The following SIPA1L3 variants were observed in gnomAD, a reference collection of about 807,000 sequenced individuals.
The protein encoded by SIPA1L3 is signal induced proliferation associated 1 like 3, also known as signal-induced proliferation-associated 1-like protein 3.
In SIPA1L3, 59 loss-of-function variants were observed where a neutral mutation model predicts 150.1. That is an observed-to-expected ratio of 0.39 (90% CI 0.32 to 0.49). The LOEUF (loss-of-function observed/expected upper bound fraction) is 0.49. Among genes scored for constraint, SIPA1L3 ranks in the 20% least tolerant of loss-of-function variants. SIPA1L3 has a pLI of 0.86. For synonymous variants in SIPA1L3, 1,070 were observed against 1,077.6 expected (o/e 0.99, Z 0.14); for missense variants, 2,211 against 2,489.5 (o/e 0.89, Z 2.38).
chr19:38,020,102 A>C (rs78570716), intron 1 of SIPA1L3, among the ~76,000 whole-genome samples: 4,608 of 81,694 alleles, frequency 0.056, 228 homozygotes, highest in African/African-American at 0.14. Context: ...CTCTCTCTCT[A>C]TATATAAATA....
rs117802155 is a variant in SIPA1L3, at chr19:37,920,260, T to C, written c.-379+12902T>C. ...TTTTTGTAGAGATGGGATCTCTCTA[T>C]GTTGCCCAGGCCGGTCTTGAACTCT... On this transcript the variant is annotated intron_variant, in intron 1 of 21. Transcript: ENST00000222345. 7.0e-3 allele frequency among the ~76,000 whole-genome samples: 1,060 copies of C among 152,178 alleles called. 32 individuals are homozygous for C. Among genetic ancestry groups the C allele is most frequent in the East Asian group, 0.068 (351 of 5,160 alleles).
Position 38,099,924 on chromosome 19 carries a change from C to T in SIPA1L3, c.1666-38C>T, listed in dbSNP as rs574615935. 22 of 1,524,812 alleles carry T rather than the reference C, an allele frequency of 1.4e-5. No homozygotes were observed. In the South Asian group the frequency reaches 1.7e-4, roughly 12 times the overall value. The allele number at this position is 1,524,812 out of a possible 1,614,324, so 94.5% of individuals were successfully genotyped here. On this transcript the variant is annotated intron_variant, in intron 4 of 21. Coordinates refer to ENST00000222345, the MANE Select transcript of SIPA1L3 (RefSeq NM_015073.3). ...TATGCTCTTATCCCTTTTTAGGTCT[C>T]GAGAGCCCCCTAACCTTCCCTTCTC...
Position 38,141,399 on chromosome 19 carries a change from T to G in SIPA1L3, c.3359T>G (p.Val1120Gly), listed in dbSNP as rs769398221. ...CGGCCCCTGAAGCAGACCCCCATAG[T>G]CCCCTTCCGGGAGTCCCAGCCACTG... ...LSRPLKQTPIVPFRESQPLHS... is the reference protein window; with the variant it reads ...LSRPLKQTPIGPFRESQPLHS... Residue 1120 changes from valine to glycine, a missense_variant, in exon 11 of 22, where the codon GTC becomes GGC. Physicochemically the swap from Val to Gly is moderately radical, Grantham distance 109. Coordinates refer to ENST00000222345, the MANE Select transcript of SIPA1L3 (RefSeq NM_015073.3). 3 of 1,612,096 alleles carry G rather than the reference T, an allele frequency of 1.9e-6. No homozygotes were observed. The highest frequency in any genetic ancestry group is 1.3e-5 in the African/African-American group (1 of 74,806).
rs546712449 is a variant in SIPA1L3, at chr19:38,060,816, C to T, written c.-310-20440C>T. On this transcript the variant is annotated intron_variant, in intron 2 of 21. Transcript: ENST00000222345. ...AAGTGATTCTCCTGCCTCAGCCTCCCGAGTAGCTGGGATTACAGGGGTGTG... is the reference window on the plus strand; with the variant it reads ...AAGTGATTCTCCTGCCTCAGCCTCCTGAGTAGCTGGGATTACAGGGGTGTG... Among the ~76,000 whole-genome samples the T allele has an allele frequency of 4.6e-5, 7 of 152,214 alleles. No homozygotes were observed. The East Asian group carries it at 9.6e-4, about 21-fold the overall frequency.
intron 10 of SIPA1L3, among the ~76,000 whole-genome samples, chr19:38,134,563 C>T (rs576346348): frequency 5.9e-5 from 9 of 151,346 alleles, no homozygotes; most frequent in Admixed American, 5.3e-4. Flanking sequence ...AAAAATTAGC[C>T]GGGCATGGTA....
At chr19:38,097,884 C>T (rs1010807879) in intron 4 of SIPA1L3, among the ~76,000 whole-genome samples, 1 of 152,126 alleles carries the variant, frequency 6.6e-6, no homozygotes, top group Non-Finnish European at 1.5e-5. Context: ...TTGGATATAC[C>T]TCACCATACA....
chr19:38,159,932 C>T (rs1288858499), intron 13 of SIPA1L3, among the ~76,000 whole-genome samples: 4 of 152,234 alleles, frequency 2.6e-5, no homozygotes, highest in Non-Finnish European at 5.9e-5. Flanking sequence ...TCAGTTAGTG[C>T]ATTTGTAATT....
At position 38,124,294 on chromosome 19, in the gene SIPA1L3, C is replaced by T. The variant is rs553873694; in HGVS notation, c.2868+4412C>T. On this transcript the variant is annotated intron_variant, in intron 9 of 21. Transcript: ENST00000222345. Reference sequence around the variant, plus strand: ...CTCCTCACTTCTCAGACGGGGCGGCCGGGCAGAGACGCTCCTCACCTCCCA... The same window carrying T: ...CTCCTCACTTCTCAGACGGGGCGGCTGGGCAGAGACGCTCCTCACCTCCCA... 1.1e-3 allele frequency among the ~76,000 whole-genome samples: 158 copies of T among 148,694 alleles called. 5 individuals carry two copies. In the South Asian group the frequency reaches 0.029, roughly 27 times the overall value.
chr19:38,138,313 T>C (rs1971483903), intron 10 of SIPA1L3, among the ~76,000 whole-genome samples: 1 of 152,176 alleles, frequency 6.6e-6, no homozygotes, highest in Non-Finnish European at 1.5e-5. Flanking sequence ...TGTTTCACCT[T>C]GGATGGGTTA....
chr19:38,066,849 A>G (rs1969604321), intron 2 of SIPA1L3, among the ~76,000 whole-genome samples: 1 of 151,894 alleles, frequency 6.6e-6, no homozygotes, highest in East Asian at 2.0e-4. Context: ...TAAAAATAAT[A>G]AAATAAATAG....
At chr19:37,976,141 G>T (rs1388188304) in intron 1 of SIPA1L3, among the ~76,000 whole-genome samples, 1 of 149,922 alleles carries the variant, frequency 6.7e-6, no homozygotes, top group Non-Finnish European at 1.5e-5. Context: ...ATGGGGAGTT[G>T]GTCTCACAAT....
At chr19:38,011,724 G>T (rs1324038208) in intron 1 of SIPA1L3, among the ~76,000 whole-genome samples, 1 of 152,174 alleles carries the variant, frequency 6.6e-6, no homozygotes, top group Non-Finnish European at 1.5e-5. Flanking sequence ...AGAACTTTAA[G>T]CTGGAAAGCA....
chr19:37,976,078 C>T (rs1472042198), intron 1 of SIPA1L3, among the ~76,000 whole-genome samples: 1 of 144,442 alleles, frequency 6.9e-6, no homozygotes, highest in East Asian at 2.1e-4. Context: ...GCACTCCTGC[C>T]TGGGTGACAG....
chr19:37,911,250 CGTGT>C (rs34936249), intron 1 of SIPA1L3, among the ~76,000 whole-genome samples: 5 of 149,734 alleles, frequency 3.3e-5, no homozygotes, highest in Admixed American at 2.7e-4. Context: ...TATGTATGTG[CGTGT>C]GTGTGTGTGT....
intron 1 of SIPA1L3, among the ~76,000 whole-genome samples, chr19:37,938,466 C>CG (rs1555767184): frequency 6.6e-6 from 1 of 152,112 alleles, no homozygotes; most frequent in African/African-American, 2.4e-5. Flanking sequence ...TTTTGTAAAA[C>CG]TTTTTTACTT....
chr19:38,130,701 C>T lies in SIPA1L3; in HGVS notation c.3072C>T (p.Ile1024=), dbSNP rs756916633. ...AVVTLTHDQM[I]DLLRTSVTVK... ...TCACACTGACCCACGACCAGATGAT[C>T]GACCTGCTGCGCACCTCTGTCACTG... Residue 1024 remains isoleucine, a synonymous_variant, in exon 10 of 22, where the codon ATC becomes ATT. Transcript: ENST00000222345. 7.4e-6 allele frequency: 12 copies of T among 1,613,950 alleles called. No individual in the cohort carries two copies. Among genetic ancestry groups the T allele is most frequent in the East Asian group, 4.5e-5 (2 of 44,888 alleles).
intron 2 of SIPA1L3, among the ~76,000 whole-genome samples, chr19:38,072,149 C>G (rs1325759400): frequency 6.6e-6 from 1 of 152,142 alleles, no homozygotes; most frequent in Non-Finnish European, 1.5e-5. Flanking sequence ...GGTTGAGTCC[C>G]CACTGTGTCA....
intron 1 of SIPA1L3, among the ~76,000 whole-genome samples, chr19:37,977,589 CCCCA>C (rs2145607399): frequency 6.6e-6 from 1 of 152,264 alleles, no homozygotes; most frequent in South Asian, 2.1e-4. Flanking sequence ...CCACGCCCCC[CCCCA>C]CAGAAGTAGG....
At chr19:38,103,342 T>A (rs1625884) in intron 6 of SIPA1L3, among the ~76,000 whole-genome samples, 23,096 of 151,760 alleles carry the variant, frequency 0.15, 1,838 homozygotes, top group African/African-American at 0.19. Flanking sequence ...ATATGATATA[T>A]GGGGCTGGGC....
Sources: allele counts gnomAD v4.1 joint callset (sites outside exome capture counted in the v4.1 genomes callset), GRCh38; gene constraint gnomAD v4.1.1; transcripts MANE v1.5; gene names NCBI Gene and HGNC (gene_info 2026-07-23, HGNC 2026-07-21).